RBPJ: variants seen among roughly 807,000 people sequenced by gnomAD.
The protein encoded by RBPJ is recombination signal binding protein for immunoglobulin kappa J region, also known as recombining binding protein suppressor of hairless.
Under a neutral mutation model 67.8 loss-of-function variants are expected in RBPJ, and 9 were observed. The ratio of observed to expected loss-of-function variants is 0.13; its 90% CI spans 0.08 to 0.23. RBPJ has a LOEUF of 0.23. Among genes scored for constraint, RBPJ ranks in the 10% least tolerant of loss-of-function variants. The pLI is 1.00. For missense variants in RBPJ, 305 were observed against 595.6 expected (o/e 0.51, Z 5.08); for synonymous variants, 198 against 203.3 (o/e 0.97, Z 0.22).
chr4:26,165,875 C>A (rs1255794759), intron 1 of RBPJ, among the ~76,000 whole-genome samples: 1 of 127,952 alleles, frequency 7.8e-6, no homozygotes. Context: ...CCTCCCCCCA[C>A]CCCACAACAG....
chr4:26,178,188 A>C (rs934509025), intron 1 of RBPJ, among the ~76,000 whole-genome samples: 1 of 152,160 alleles, frequency 6.6e-6, no homozygotes, highest in Non-Finnish European at 1.5e-5. Flanking sequence ...TGACCCAAAG[A>C]TATATCTTAG....
the RBPJ span, among the ~76,000 whole-genome samples, chr4:26,136,177 G>C: frequency 6.6e-6 from 1 of 152,168 alleles, no homozygotes; most frequent in Non-Finnish European, 1.5e-5. Flanking sequence ...GCCCACCCTT[G>C]ACACATAGGG....
At chr4:26,201,912 C>T (rs1266379919) in intron 1 of RBPJ, among the ~76,000 whole-genome samples, 1 of 152,182 alleles carries the variant, frequency 6.6e-6, no homozygotes, top group Non-Finnish European at 1.5e-5. Flanking sequence ...TTCAATGATA[C>T]CCACGAGCTA....
Position 26,359,496 on chromosome 4 carries a change from CGGTT to C in RBPJ, c.21-26856_21-26853del, listed in dbSNP as rs558732931. Among the ~76,000 whole-genome samples the C allele has an allele frequency of 3.3e-5, 5 of 150,186 alleles. No homozygotes were observed. In the South Asian group the frequency reaches 1.0e-3, roughly 31 times the overall value. ...GTCCAGTATGTCCGACCCTCTTCCTCGGTTCTGGGCTCGGGTGGGGGTTCCCTTG... is the reference window on the plus strand; with the variant it reads ...GTCCAGTATGTCCGACCCTCTTCCTCCTGGGCTCGGGTGGGGGTTCCCTTG... On this transcript the variant is annotated intron_variant, in intron 1 of 10. Coordinates refer to ENST00000355476, the MANE Select transcript of RBPJ (RefSeq NM_015874.6).
intron 2 of RBPJ, among the ~76,000 whole-genome samples, chr4:26,387,621 A>G (rs1186822241): frequency 6.6e-6 from 1 of 152,192 alleles, no homozygotes; most frequent in Non-Finnish European, 1.5e-5. Context: ...CAGGGCTGCA[A>G]AGTGGAGAGG....
intron 1 of RBPJ, among the ~76,000 whole-genome samples, chr4:26,187,719 T>G (rs1299302306): frequency 6.6e-6 from 1 of 152,108 alleles, no homozygotes; most frequent in East Asian, 1.9e-4. Flanking sequence ...GAATTTTCCT[T>G]CCTATAAATT....
At chr4:26,312,177 G>A (rs1305647877) in intron 1 of RBPJ, among the ~76,000 whole-genome samples, 2 of 151,462 alleles carry the variant, frequency 1.3e-5, no homozygotes, top group Non-Finnish European at 2.9e-5. Context: ...TGTCACCCAG[G>A]CTGGAGTGCA....
chr4:26,288,644 T>A (rs1162029745), intron 1 of RBPJ, among the ~76,000 whole-genome samples: 1 of 152,206 alleles, frequency 6.6e-6, no homozygotes, highest in African/African-American at 2.4e-5. Flanking sequence ...GTGAGTTTAT[T>A]TTAAAAGCCC....
chr4:26,155,690 C>A, the RBPJ span, among the ~76,000 whole-genome samples: 5 of 152,130 alleles, frequency 3.3e-5, no homozygotes, highest in Admixed American at 3.3e-4. Flanking sequence ...CCACCTCAGC[C>A]TCCCAAAGTG....
chr4:26,316,827 C>CTTTTTTTTTTTTTTTTTTTTTTTTT (rs56130072), upstream of RBPJ, among the ~76,000 whole-genome samples: 8 of 71,396 alleles, frequency 1.1e-4, 4 homozygotes, highest in Admixed American at 3.8e-4. Context: ...ACCCAGACGA[C>CTTTTTTTTTTTTTTTTTTTTTTTTT]TTTTTTTTTT....
intron 1 of RBPJ, among the ~76,000 whole-genome samples, chr4:26,382,221 A>C (rs529003266): frequency 6.6e-6 from 1 of 152,242 alleles, no homozygotes; most frequent in Non-Finnish European, 1.5e-5. Flanking sequence ...CTTCTTTCCC[A>C]GTATCCCTAC....
chr4:26,321,185 C>A, intron 1 of RBPJ, 137 bp downstream of exon 1: 2 of 268,212 alleles, frequency 7.5e-6, no homozygotes, highest in Non-Finnish European at 1.2e-5. Context: ...GTGCGCCGAG[C>A]GCGGCGGCGG....
chr4:26,406,157 A>G lies in RBPJ; in HGVS notation c.60-18A>G, dbSNP rs770332037. 2.0e-6 allele frequency: 3 copies of G among 1,502,236 alleles called. No individual in the cohort carries two copies. The highest frequency in any genetic ancestry group is 4.5e-5 in the East Asian group (2 of 44,214). 93.1% of individuals were successfully genotyped at this position (1,502,236 alleles called of 1,614,324 possible). On this transcript the variant is annotated intron_variant, in intron 2 of 10. Coordinates refer to ENST00000355476, the MANE Select transcript of RBPJ (RefSeq NM_015874.6). ...AGAATTTCACCTCTGTAACAGTAAT[A>G]TTTGTATTTGTTTTTAGGGAAGCTA...
intron 1 of RBPJ, among the ~76,000 whole-genome samples, chr4:26,384,981 C>T (rs1355456621): frequency 1.5e-5 from 1 of 65,180 alleles, no homozygotes; most frequent in Non-Finnish European, 3.0e-5. Context: ...TCCCCTCTCT[C>T]CTCCCCTCTC....
chr4:26,348,876 T>A (rs983908131), intron 1 of RBPJ, among the ~76,000 whole-genome samples: 4 of 152,040 alleles, frequency 2.6e-5, no homozygotes, highest in African/African-American at 7.3e-5. Flanking sequence ...CACGAATTTT[T>A]AAAATTTTTT....
chr4:26,189,187 T>G (rs1717386922), intron 1 of RBPJ, among the ~76,000 whole-genome samples: 1 of 152,020 alleles, frequency 6.6e-6, no homozygotes, highest in African/African-American at 2.4e-5. Context: ...ACTGTACTCC[T>G]GCCTGGGCAA....
At chr4:26,113,632 G>T in the RBPJ span, 1 of 333,190 alleles carries the variant, frequency 3.0e-6, no homozygotes, top group East Asian at 6.2e-5. Context: ...CTGTCCATCA[G>T]GGAACACACA....
At chr4:26,282,134 C>CTTT (rs758435674) in intron 1 of RBPJ, among the ~76,000 whole-genome samples, 86 of 126,580 alleles carry the variant, frequency 6.8e-4, no homozygotes, top group East Asian at 1.5e-3. Flanking sequence ...CTCTCTCTCT[C>CTTT]TCTTTTTTTT....
At chr4:26,312,232 C>T (rs983261897) in intron 1 of RBPJ, among the ~76,000 whole-genome samples, 13 of 151,920 alleles carry the variant, frequency 8.6e-5, no homozygotes, top group African/African-American at 1.5e-4. Flanking sequence ...CCCAGGTTCA[C>T]GCCATTCTCC....
Sources: gnomAD v4.1 joint callset for allele counts (sites outside exome capture counted in the v4.1 genomes callset) on GRCh38, gnomAD v4.1.1 for gene constraint, MANE v1.5 for transcripts, NCBI Gene and HGNC (gene_info 2026-07-23, HGNC 2026-07-21) for gene names.